The following STYXL2 variants were observed in gnomAD, a reference collection of about 807,000 sequenced individuals.
STYXL2 encodes the protein serine/threonine/tyrosine-interacting-like protein 2.
Under a neutral mutation model 52.4 loss-of-function variants are expected in STYXL2, and 44 were observed. The observed-to-expected ratio is 0.84, with a 90% CI of 0.66 to 1.08. The LOEUF (loss-of-function observed/expected upper bound fraction) is 1.08. Among genes scored for constraint, STYXL2 ranks in the 50% least tolerant of loss-of-function variants. The pLI is 0.00. For missense variants in STYXL2, 1,604 were observed against 1,471.7 expected, an observed-to-expected ratio of 1.09 and a Z score of -1.47; for synonymous variants, 604 against 586.9, an observed-to-expected ratio of 1.03 and a Z score of -0.42.
chr1:167,128,832 A>G lies in STYXL2; in HGVS notation c.*224A>G. The G allele has an allele frequency of 1.6e-6, 1 of 616,404 alleles. No homozygotes were observed. The highest frequency in any genetic ancestry group is 3.4e-5 in the Admixed American group (1 of 29,490). The allele number at this position is 616,404 out of a possible 1,614,324, so 38.2% of individuals were successfully genotyped here. On this transcript the variant is annotated 3_prime_UTR_variant, in exon 6 of 6. Transcript: ENST00000361200. The stretch of plus-strand genomic sequence containing the variant: ...GAATACGAGGTCCGAATGCGGACCA[A>G]CTGATACCATTTTCTGTTGCTCAGC...
At position 167,113,882 on chromosome 1, in the gene STYXL2, G is replaced by A. The variant is rs144092798; in HGVS notation, c.205+78G>A. 8.7e-4 allele frequency: 969 copies of A among 1,118,394 alleles called. 6 individuals carry two copies. In the African/African-American group the frequency reaches 0.012, roughly 14 times the overall value. The allele number at this position is 1,118,394 out of a possible 1,614,324, so 69.3% of individuals were successfully genotyped here. A position where few individuals can be genotyped will look rare whatever the true frequency, so the allele number is the denominator to read the frequency against. On this transcript the variant is annotated intron_variant, in intron 3 of 5. Coordinates refer to ENST00000361200, the MANE Select transcript of STYXL2 (RefSeq NM_001080426.3). ...CCTTAGAGGGGGGCCATTGGAAGAC[G>A]TCAATGTGCCTCTCAGGTGCTGCCC...
intron 2 of STYXL2, among the ~76,000 whole-genome samples, chr1:167,096,028 G>T (rs977572570): frequency 1.3e-5 from 2 of 152,048 alleles, no homozygotes; most frequent in African/African-American, 4.8e-5. Flanking sequence ...GGGAGGCCGA[G>T]GTGGGAGGAT....
At chr1:167,107,639 T>C (rs770719318) in intron 2 of STYXL2, among the ~76,000 whole-genome samples, 1 of 152,202 alleles carries the variant, frequency 6.6e-6, no homozygotes, top group Non-Finnish European at 1.5e-5. Flanking sequence ...ATTGAAGACA[T>C]ATTCAGTCAG....
At chr1:167,118,308 A>C (rs1022380508) in intron 4 of STYXL2, among the ~76,000 whole-genome samples, 18 of 152,236 alleles carry the variant, frequency 1.2e-4, no homozygotes, top group Admixed American at 2.0e-4. Flanking sequence ...TTAATTAGTG[A>C]AACAAATTTT....
chr1:167,112,655 G>A (rs1252102590), intron 2 of STYXL2, among the ~76,000 whole-genome samples: 1 of 152,166 alleles, frequency 6.6e-6, no homozygotes, highest in Non-Finnish European at 1.5e-5. Flanking sequence ...AGAGAACACT[G>A]GACCTACAGC....
In STYXL2 at chr1:167,128,574, C is replaced by T. The variant is rs759382854; in HGVS notation, c.3443C>T (p.Thr1148Ile). ...GCTTGGAGACGCCGGCAAGAAGAAA[C>T]CAGGACCAAGCTGCAGAAAAGGAGG... is the stretch of plus-strand genomic sequence containing the variant. ...IAAWRRRQEETRTKLQKRRED is the reference protein window; with the variant it reads ...IAAWRRRQEEIRTKLQKRRED The change falls in exon 6 of 6, where the codon ACC (threonine) becomes ATC (isoleucine). Residue 1148 changes from threonine to isoleucine, a missense_variant. By Grantham distance (89) the Thr-to-Ile change is moderately conservative. Coordinates refer to ENST00000361200, the MANE Select transcript of STYXL2 (RefSeq NM_001080426.3). The T allele has an allele frequency of 9.3e-6, 15 of 1,613,086 alleles. No homozygotes were observed. The highest frequency in any genetic ancestry group is 7.6e-6 in the Non-Finnish European group (9 of 1,179,898).
chr1:167,126,070 G>C lies in STYXL2; in HGVS notation c.939G>C (p.Thr313=). The C allele has an allele frequency of 6.5e-7, 1 of 1,544,600 alleles. No homozygotes were observed. The stretch of plus-strand genomic sequence containing the variant: ...TCGGGGCCAGAGTGCACGCCCTGAC[G>C]GTGGAAGAGGAGGACGACAGCGCCA... ...SMLGARVHAL[T]VEEEDDSASH... is the part of the protein sequence containing the mutation. The change falls in exon 6 of 6, where the codon ACG becomes ACC. Residue 313 remains threonine, a synonymous_variant. Coordinates refer to ENST00000361200, the MANE Select transcript of STYXL2 (RefSeq NM_001080426.3).
intron 2 of STYXL2, 92 bp downstream of exon 2, chr1:167,095,051 C>A: frequency 1.2e-6 from 1 of 823,374 alleles, no homozygotes; most frequent in Non-Finnish European, 1.9e-6. Context: ...CTGCAGCCAT[C>A]ACCTCGGTTC....
Position 167,128,368 on chromosome 1 carries a change from C to T in STYXL2, c.3237C>T (p.Phe1079=). The T allele has an allele frequency of 6.2e-7, 1 of 1,614,140 alleles. No homozygotes were observed. The highest frequency in any genetic ancestry group is 8.5e-7 in the Non-Finnish European group (1 of 1,180,022). The stretch of plus-strand genomic sequence containing the variant: ...TGGAAGAGTCATCCAAGTCAGACTT[C>T]TCTGAATTTGGAGCCAAGAGGAAGT... ...EDVEESSKSD[F]SEFGAKRKFT... The change falls in exon 6 of 6, where the codon TTC becomes TTT. Residue 1079 remains phenylalanine, a synonymous_variant. Coordinates refer to ENST00000361200, the MANE Select transcript of STYXL2 (RefSeq NM_001080426.3).
intron 5 of STYXL2, among the ~76,000 whole-genome samples, chr1:167,120,433 T>C (rs1667826007): frequency 6.6e-6 from 1 of 152,148 alleles, no homozygotes; most frequent in Admixed American, 6.5e-5. Context: ...CTGTGAGGAA[T>C]AACGTTTTAA....
At chr1:167,110,497 C>A (rs938499935) in intron 2 of STYXL2, among the ~76,000 whole-genome samples, 2 of 152,020 alleles carry the variant, frequency 1.3e-5, no homozygotes, top group African/African-American at 4.8e-5. Context: ...ATGAACAAAA[C>A]AAACTCCAGA....
intron 2 of STYXL2, among the ~76,000 whole-genome samples, chr1:167,111,035 C>A (rs1364460319): frequency 6.6e-6 from 1 of 152,130 alleles, no homozygotes; most frequent in Non-Finnish European, 1.5e-5. Flanking sequence ...TTCAAATTAA[C>A]CCAATCCAAC....
chr1:167,095,748 G>A (rs1372852699), intron 2 of STYXL2, among the ~76,000 whole-genome samples: 1 of 152,186 alleles, frequency 6.6e-6, no homozygotes, highest in Non-Finnish European at 1.5e-5. Flanking sequence ...CACCAAATTG[G>A]TGTGAAGAAT....
Position 167,113,757 on chromosome 1 carries a change from C to A in STYXL2, c.158C>A (p.Pro53His). 6.2e-7 allele frequency: 1 copy of A among 1,614,040 alleles called. No individual in the cohort carries two copies. The highest frequency in any genetic ancestry group is 1.1e-5 in the South Asian group (1 of 91,078). Residue 53 changes from proline to histidine, a missense_variant, in exon 3 of 6, where the codon CCC becomes CAC. Transcript: ENST00000361200. Reference protein sequence around the residue: ...DAETESIFMEPIHLSSAIAAK... With the variant: ...DAETESIFMEHIHLSSAIAAK... The stretch of plus-strand genomic sequence containing the variant: ...GAAACAGAAAGCATTTTCATGGAAC[C>A]CATTCACCTCTCCTCAGCCATTGCA...
At chr1:167,118,601 T>C (rs1667782349) in intron 4 of STYXL2, among the ~76,000 whole-genome samples, 1 of 152,188 alleles carries the variant, frequency 6.6e-6, no homozygotes, top group South Asian at 2.1e-4. Flanking sequence ...AAAGCTTTTG[T>C]TCCTTCTCGG....
chr1:167,126,560 T>C lies in STYXL2; in HGVS notation c.1429T>C (p.Trp477Arg). 3 of 1,613,844 alleles carry C rather than the reference T, an allele frequency of 1.9e-6. No homozygotes were observed. The highest frequency in any genetic ancestry group is 1.1e-5 in the South Asian group (1 of 91,062). Residue 477 changes from tryptophan (W) to arginine (R), a missense_variant, in exon 6 of 6, where the codon TGG (tryptophan) becomes CGG (arginine). Physicochemically the swap from Trp to Arg is moderately radical, Grantham distance 101. Coordinates refer to ENST00000361200, the MANE Select transcript of STYXL2 (RefSeq NM_001080426.3). The part of the protein sequence containing the change: ...RADSMSSEST[W>R]DAWNERLLEI... ...AGACTCGATGTCCTCGGAGAGCACC[T>C]GGGACGCATGGAACGAGAGGCTGCT...
chr1:167,094,566 C>T (rs564326818), intron 1 of STYXL2: 12 of 392,136 alleles, frequency 3.1e-5, no homozygotes, highest in African/African-American at 6.1e-5. Flanking sequence ...CCTCTGCCTG[C>T]TCCCTTGCTG....
intron 5 of STYXL2, among the ~76,000 whole-genome samples, chr1:167,122,694 A>G (rs548031767): frequency 6.6e-6 from 1 of 152,090 alleles, no homozygotes; most frequent in South Asian, 2.1e-4. Flanking sequence ...TTTGAGACAG[A>G]GTCTCACTCT....
At chr1:167,100,002 A>C (rs1430018562) in intron 2 of STYXL2, among the ~76,000 whole-genome samples, 3 of 152,250 alleles carry the variant, frequency 2.0e-5, no homozygotes. Context: ...TGTACAAAGA[A>C]TAGAGGTTTA....
Sources: gnomAD v4.1 joint callset for allele counts (sites outside exome capture counted in the v4.1 genomes callset) on GRCh38, gnomAD v4.1.1 for gene constraint, MANE v1.5 for transcripts, NCBI Gene and HGNC (gene_info 2026-07-23, HGNC 2026-07-21) for gene names.